TAF1: variants seen among roughly 807,000 people sequenced by gnomAD.
The protein encoded by TAF1 is transcription initiation factor TFIID subunit 1.
A neutral mutation model predicts 138.5 loss-of-function variants in TAF1; 2 were observed. The observed-to-expected ratio is 0.01, with a 90% CI of 0.01 to 0.05. The LOEUF (loss-of-function observed/expected upper bound fraction) is 0.05, where lower values mean the gene tolerates loss of function less well. Among genes scored for constraint, TAF1 ranks in the 10% least tolerant of loss-of-function variants. TAF1 has a pLI of 1.00. For missense variants in TAF1, 709 were observed against 1,478.0 expected, an observed-to-expected ratio of 0.48 and a Z score of 8.53; for synonymous variants, 437 against 503.2, an observed-to-expected ratio of 0.87 and a Z score of 1.76.
At chrX:71,475,584 CAA>C (rs78014278) in intron 13 of TAF1, among the ~76,000 whole-genome samples, 8 of 41,456 alleles carry the variant, frequency 1.9e-4, no homozygotes, top group Non-Finnish European at 8.6e-5. Context: ...GACTCCGTTT[CAA>C]AAAAAAAAAA....
Position 71,393,345 on chromosome X carries a change from A to C in TAF1, c.3096A>C (p.Thr1032=), listed in dbSNP as rs377764747. Residue 1032 remains threonine (T), a synonymous_variant, in exon 21 of 38, where the codon ACA becomes ACC. Transcript: ENST00000423759. The part of the protein sequence containing the change: ...SRWEVIDVVR[T]MSTEQARSGE... ...GGGAAGTGATTGATGTGGTGCGCACAATGTCAACAGAACAGGCTCGTTCTG... is the reference window on the plus strand; with the variant it reads ...GGGAAGTGATTGATGTGGTGCGCACCATGTCAACAGAACAGGCTCGTTCTG... 2.5e-6 allele frequency: 3 copies of C among 1,205,636 alleles called. No homozygotes were observed. Among genetic ancestry groups the C allele is most frequent in the Non-Finnish European group, 3.4e-6 (3 of 894,324 alleles).
intron 13 of TAF1, among the ~76,000 whole-genome samples, chrX:71,508,688 T>C (rs1602881969): frequency 1.1e-5 from 1 of 94,585 alleles, no homozygotes; most frequent in South Asian, 4.9e-4. Flanking sequence ...AGAACACAAA[T>C]AAAGGTGTAG....
At chrX:71,434,508 A>G (rs1446157140) in intron 32 of TAF1, among the ~76,000 whole-genome samples, 1 of 111,954 alleles carries the variant, frequency 8.9e-6, no homozygotes, top group African/African-American at 3.2e-5. Context: ...TTAGCCCGTG[A>G]ACTATATTGT....
At chrX:71,443,138 A>G (rs192752820) in intron 32 of TAF1, among the ~76,000 whole-genome samples, 1 of 111,850 alleles carries the variant, frequency 8.9e-6, no homozygotes, top group East Asian at 2.8e-4. Flanking sequence ...TGTCTTGGCA[A>G]TGTGGGCTCT....
chrX:71,382,079 G>A (rs1428842561), intron 9 of TAF1, among the ~76,000 whole-genome samples, 160 bp downstream of exon 9: 1 of 111,946 alleles, frequency 8.9e-6, no homozygotes, highest in Non-Finnish European at 1.9e-5. Flanking sequence ...TATATTATTT[G>A]TGTATATGCT....
At chrX:71,426,933 G>A (rs746895038) in intron 32 of TAF1, among the ~76,000 whole-genome samples, 24 of 111,878 alleles carry the variant, frequency 2.1e-4, no homozygotes, top group African/African-American at 6.2e-4. Flanking sequence ...AGCTAAGGAC[G>A]TTTGAGAGAA....
chrX:71,426,505 C>T (rs890077884), intron 32 of TAF1, among the ~76,000 whole-genome samples: 3 of 111,464 alleles, frequency 2.7e-5, no homozygotes, highest in Non-Finnish European at 3.8e-5. Context: ...CACCTGAAAT[C>T]GGGAGTTTGA....
At chrX:71,473,340 G>T (rs1165006103) in intron 13 of TAF1, among the ~76,000 whole-genome samples, 1 of 110,186 alleles carries the variant, frequency 9.1e-6, no homozygotes, top group East Asian at 2.8e-4. Flanking sequence ...AGGTGAGGTG[G>T]GGTGAGGATA....
chrX:71,435,912 A>T, intron 32 of TAF1, among the ~76,000 whole-genome samples: 1 of 110,434 alleles, frequency 9.1e-6, no homozygotes, highest in Non-Finnish European at 1.9e-5. Flanking sequence ...ATGTTTATCT[A>T]CTTTTTAGAA....
chrX:71,459,082 A>G (rs1344013349), intron 35 of TAF1: 2 of 844,726 alleles, frequency 2.4e-6, no homozygotes, highest in South Asian at 2.3e-5. Context: ...ACCCTGGGTG[A>G]GAGCCCTTGG....
intron 24 of TAF1, 59 bp from the exon 25 acceptor site, chrX:71,401,469 C>T: frequency 8.5e-7 from 1 of 1,177,158 alleles, no homozygotes; most frequent in Non-Finnish European, 1.2e-6. Context: ...ACCTGCTTAT[C>T]TCTGATATGT....
At chrX:71,393,592 T>C (rs2034687583) in intron 21 of TAF1, 116 bp downstream of exon 21, 17 of 949,196 alleles carry the variant, frequency 1.8e-5, no homozygotes, top group Non-Finnish European at 2.4e-5. Context: ...TAGTCAGATA[T>C]CTGACATGTC....
chrX:71,367,905 AG>A (rs2032682113), intron 2 of TAF1, 148 bp from the exon 3 acceptor site: 2 of 603,128 alleles, frequency 3.3e-6, no homozygotes, highest in Admixed American at 5.8e-5. Flanking sequence ...TCCTGGCCTG[AG>A]GTGATCCGTC....
At chrX:71,517,987 G>T (rs114872817) in intron 13 of TAF1, among the ~76,000 whole-genome samples, 22 of 109,786 alleles carry the variant, frequency 2.0e-4, no homozygotes, top group African/African-American at 7.3e-4. Flanking sequence ...ATTAAGACTG[G>T]GCACAGTAGT....
chrX:71,398,461 G>T, intron 23 of TAF1, 111 bp from the exon 24 acceptor site: 2 of 1,025,035 alleles, frequency 2.0e-6, no homozygotes, highest in Non-Finnish European at 2.6e-6. Context: ...TTTTATCTTA[G>T]CCTGGATGGA....
intron 13 of TAF1, 71 bp downstream of exon 13, chrX:71,384,206 A>G (rs2034072119): frequency 8.9e-7 from 1 of 1,125,027 alleles, no homozygotes; most frequent in Admixed American, 2.6e-5. Context: ...TTTTATGTAC[A>G]AACTTTTTGT....
chrX:71,517,768 A>C (rs1027102608), intron 13 of TAF1, among the ~76,000 whole-genome samples: 9 of 111,925 alleles, frequency 8.0e-5, no homozygotes, highest in Non-Finnish European at 1.7e-4. Flanking sequence ...GTGTATGTGT[A>C]GGGGGGTTTA....
chrX:71,529,075 TTTG>T (rs2040054430), intron 14 of TAF1, among the ~76,000 whole-genome samples: 1 of 103,689 alleles, frequency 9.6e-6, no homozygotes, highest in Non-Finnish European at 2.0e-5. Context: ...GCGTTTTGTT[TTTG>T]TTTTTTTTTT....
At chrX:71,454,308 A>G (rs184832117) in intron 33 of TAF1, 71 bp downstream of exon 33, 334 of 970,812 alleles carry the variant, frequency 3.4e-4, no homozygotes, top group Non-Finnish European at 4.3e-4. Context: ...AAAAAGATTT[A>G]AAAATTAGTG....
Sources: gnomAD v4.1 joint callset for allele counts (sites outside exome capture counted in the v4.1 genomes callset) on GRCh38, gnomAD v4.1.1 for gene constraint, MANE v1.5 for transcripts, NCBI Gene and HGNC (gene_info 2026-07-23, HGNC 2026-07-21) for gene names.